Variants in GAP43 observed in about 807,000 individuals in gnomAD.
GAP43 encodes the protein growth associated protein 43.
Under a neutral mutation model 18.6 loss-of-function variants are expected in GAP43, and 6 were observed. The observed-to-expected ratio is 0.32, with a 90% CI of 0.18 to 0.64. GAP43 has a LOEUF of 0.64. Among genes scored for constraint, GAP43 ranks in the 30% least tolerant of loss-of-function variants. GAP43 has a pLI of 0.78. For missense variants in GAP43, 292 were observed against 295.5 expected (o/e 0.99, Z 0.09); for synonymous variants, 115 against 111.4 (o/e 1.03, Z -0.20).
Position 115,712,058 on chromosome 3 carries a change from CA to C in GAP43, c.629-8735del, listed in dbSNP as rs1010503339. ...CACTAATTTTTGATGATTTGATAGACATTTTTTATAAATAATGTTTTAAGAA... is the reference window on the plus strand; with the variant it reads ...CACTAATTTTTGATGATTTGATAGACTTTTTTATAAATAATGTTTTAAGAA... On this transcript the variant is annotated intron_variant, in intron 2 of 2. Transcript: ENST00000305124. 2.6e-5 allele frequency among the ~76,000 whole-genome samples: 4 copies of C among 152,096 alleles called. No individual in the cohort carries two copies. The East Asian group carries it at 5.8e-4, about 22-fold the overall frequency.
intron 1 of GAP43, among the ~76,000 whole-genome samples, chr3:115,648,203 T>C (rs2107473770): frequency 6.6e-6 from 1 of 152,214 alleles, no homozygotes; most frequent in South Asian, 2.1e-4. Flanking sequence ...CATTCCATTT[T>C]TATTTCCCTA....
chr3:115,633,780 C>G (rs1370704159), intron 1 of GAP43, among the ~76,000 whole-genome samples: 1 of 152,180 alleles, frequency 6.6e-6, no homozygotes, highest in Non-Finnish European at 1.5e-5. Flanking sequence ...ACCATATATT[C>G]TTGCTAATTT....
chr3:115,666,652 C>G (rs1232001514), intron 1 of GAP43, among the ~76,000 whole-genome samples: 1 of 152,134 alleles, frequency 6.6e-6, no homozygotes. Flanking sequence ...CCTCATCCTG[C>G]AGATGAGGAG....
intron 2 of GAP43, among the ~76,000 whole-genome samples, chr3:115,678,930 A>G (rs1319675591): frequency 6.6e-6 from 1 of 150,720 alleles, no homozygotes; most frequent in Non-Finnish European, 1.5e-5. Context: ...ACAAGCACAA[A>G]TTACTCCGCT....
At chr3:115,681,457 C>T (rs1256402596) in intron 2 of GAP43, among the ~76,000 whole-genome samples, 11 of 152,068 alleles carry the variant, frequency 7.2e-5, no homozygotes, top group Admixed American at 6.5e-4. Context: ...TTGGGAAATA[C>T]CAACCAGGAC....
intron 1 of GAP43, among the ~76,000 whole-genome samples, chr3:115,666,084 A>C (rs1708729684): frequency 6.6e-6 from 1 of 151,516 alleles, no homozygotes; most frequent in African/African-American, 2.4e-5. Context: ...ATAGATTTCT[A>C]GTTTCAGTGA....
intron 2 of GAP43, among the ~76,000 whole-genome samples, chr3:115,707,210 C>T (rs1354512250): frequency 1.3e-5 from 2 of 152,076 alleles, no homozygotes. Flanking sequence ...AGGTGGGTAC[C>T]AATATTATGA....
At chr3:115,714,805 A>G (rs1406811849) in intron 2 of GAP43, among the ~76,000 whole-genome samples, 1 of 151,984 alleles carries the variant, frequency 6.6e-6, no homozygotes, top group East Asian at 1.9e-4. Flanking sequence ...AGCCATCACT[A>G]GGTAGATAAT....
chr3:115,660,104 A>G (rs1256408970), intron 1 of GAP43, among the ~76,000 whole-genome samples: 2 of 152,166 alleles, frequency 1.3e-5, no homozygotes, highest in African/African-American at 4.8e-5. Context: ...AGATGCCTAA[A>G]GGATGGTGTC....
At chr3:115,663,614 T>A in intron 1 of GAP43, 1 of 1,336,948 alleles carries the variant, frequency 7.5e-7, no homozygotes, top group Non-Finnish European at 9.5e-7. Context: ...AGTCACAGCA[T>A]CACCTGGGTG....
intron 2 of GAP43, among the ~76,000 whole-genome samples, chr3:115,691,656 T>C (rs1264959108): frequency 1.3e-5 from 2 of 152,212 alleles, no homozygotes; most frequent in African/African-American, 4.8e-5. Context: ...ACATGATTTA[T>C]GGCCAGCAAG....
intron 1 of GAP43, among the ~76,000 whole-genome samples, chr3:115,673,974 G>T (rs1708846072): frequency 6.6e-6 from 1 of 152,160 alleles, no homozygotes; most frequent in Admixed American, 6.5e-5. Flanking sequence ...GTATCCACTG[G>T]TATGTTGATG....
At chr3:115,717,311 TTGTC>T (rs1709520573) in intron 2 of GAP43, among the ~76,000 whole-genome samples, 2 of 69,534 alleles carry the variant, frequency 2.9e-5, no homozygotes, top group African/African-American at 1.0e-4. Context: ...ATAAATTTTA[TTGTC>T]TTTTTTTTTT....
intron 2 of GAP43, among the ~76,000 whole-genome samples, chr3:115,701,943 C>T (rs1172179435): frequency 2.0e-5 from 3 of 152,016 alleles, no homozygotes; most frequent in Non-Finnish European, 2.9e-5. Context: ...CATTTCTTGG[C>T]CTCAGTTAGA....
intron 2 of GAP43, among the ~76,000 whole-genome samples, chr3:115,683,636 C>A (rs1421401573): frequency 6.6e-6 from 1 of 152,066 alleles, no homozygotes; most frequent in Non-Finnish European, 1.5e-5. Context: ...AATTCAATAT[C>A]AGTGTATTTT....
chr3:115,700,178 C>T (rs1464815645), intron 2 of GAP43, among the ~76,000 whole-genome samples: 2 of 152,170 alleles, frequency 1.3e-5, no homozygotes, highest in Non-Finnish European at 1.5e-5. Flanking sequence ...CAGACAAGGG[C>T]ACTTTGTGTG....
intron 2 of GAP43, among the ~76,000 whole-genome samples, chr3:115,720,328 G>A (rs1448013428): frequency 6.6e-6 from 1 of 152,166 alleles, no homozygotes; most frequent in East Asian, 1.9e-4. Flanking sequence ...TCCCACAGGA[G>A]CTGAAAATTC....
chr3:115,705,311 C>A (rs1363837490), intron 2 of GAP43, among the ~76,000 whole-genome samples: 5 of 152,096 alleles, frequency 3.3e-5, no homozygotes, highest in African/African-American at 1.2e-4. Flanking sequence ...TGTATTTTAA[C>A]CCTGGTGTCA....
At chr3:115,632,650 A>C (rs1266228765) in intron 1 of GAP43, among the ~76,000 whole-genome samples, 1 of 152,202 alleles carries the variant, frequency 6.6e-6, no homozygotes, top group African/African-American at 2.4e-5. Flanking sequence ...AAAGTATAAT[A>C]ACTGGATCAA....
Sources: allele counts gnomAD v4.1 joint callset (sites outside exome capture counted in the v4.1 genomes callset), GRCh38; gene constraint gnomAD v4.1.1; transcripts MANE v1.5; gene names NCBI Gene and HGNC (gene_info 2026-07-23, HGNC 2026-07-21).